ZNF562: variants seen among roughly 807,000 people sequenced by gnomAD.
ZNF562 encodes the protein zinc finger protein 562.
A neutral mutation model predicts 17.5 loss-of-function variants in ZNF562; 13 were observed. That is an observed-to-expected ratio of 0.74 (90% confidence interval 0.48 to 1.18). The LOEUF (loss-of-function observed/expected upper bound fraction) is 1.18, where lower values mean the gene tolerates loss of function less well. Ranked by LOEUF, ZNF562 falls within the 50% of genes most tolerant of loss-of-function variation. ZNF562 has a pLI of 0.00. For synonymous variants in ZNF562, 163 were observed against 165.4 expected (o/e 0.99, Z 0.11); for missense variants, 481 against 498.5 (o/e 0.96, Z 0.33).
At chr19:9,661,446 G>A (rs1347781919) in intron 1 of ZNF562, among the ~76,000 whole-genome samples, 1 of 152,148 alleles carries the variant, frequency 6.6e-6, no homozygotes, top group Admixed American at 6.6e-5. Context: ...AGCCTCCCGA[G>A]TAGCTGGGAT....
At position 9,645,103 on chromosome 19, in the gene ZNF562, C is replaced by T. The variant is rs1599255233; in HGVS notation, c.*7846G>A. On this transcript the variant is annotated 3_prime_UTR_variant, in exon 6 of 6. Transcript: ENST00000453372. The stretch of plus-strand genomic sequence containing the variant: ...TCACACTGTCACCAGGCTGGAGTGC[C>T]GTGGCGCAATATCAGCTCACTGTAA... The T allele has an allele frequency of 6.6e-6, 1 of 151,522 alleles. No individual in the cohort carries two copies. Among genetic ancestry groups the T allele is most frequent in the African/African-American group, 2.4e-5 (1 of 41,178 alleles). 9.4% of individuals were successfully genotyped at this position (151,522 alleles called of 1,614,324 possible).
chr19:9,659,058 G>A lies in ZNF562; in HGVS notation c.114+321C>T, dbSNP rs139301104. ...CTGCAGATACCTGATAAATGCTGAT[G>A]AGTGAATTAATTATTTGATAAAAGG... On this transcript the variant is annotated intron_variant, in intron 3 of 5. Transcript: ENST00000453372. Among the ~76,000 whole-genome samples, 100 of 152,366 alleles carry A rather than the reference G, an allele frequency of 6.6e-4. 1 individual carries two copies. The East Asian group carries it at 0.014, about 22-fold the overall frequency.
chr19:9,658,580 C>T (rs1462116952), intron 3 of ZNF562, among the ~76,000 whole-genome samples: 1 of 151,950 alleles, frequency 6.6e-6, no homozygotes, highest in African/African-American at 2.4e-5. Context: ...AAACTTCTGA[C>T]CTCATGTGAT....
At chr19:9,669,405 A>G (rs1284270497) in intron 1 of ZNF562, among the ~76,000 whole-genome samples, 1 of 152,226 alleles carries the variant, frequency 6.6e-6, no homozygotes, top group African/African-American at 2.4e-5. Flanking sequence ...CCACAATGAG[A>G]TATCATCTCA....
intron 1 of ZNF562, among the ~76,000 whole-genome samples, chr19:9,669,717 AG>A (rs2044083559): frequency 3.0e-5 from 3 of 98,942 alleles, no homozygotes; most frequent in South Asian, 3.5e-4. Context: ...CACGCGCGCG[AG>A]CGCGCGCGCG....
intron 1 of ZNF562, among the ~76,000 whole-genome samples, chr19:9,673,939 T>A (rs1465328606): frequency 2.0e-5 from 3 of 151,798 alleles, no homozygotes; most frequent in Non-Finnish European, 4.4e-5. Context: ...AAAGTTTTCA[T>A]GCCACAAAAA....
intron 5 of ZNF562, among the ~76,000 whole-genome samples, chr19:9,655,866 A>G (rs2043462208): frequency 6.6e-6 from 1 of 150,634 alleles, no homozygotes; most frequent in Non-Finnish European, 1.5e-5. Flanking sequence ...CCGAGTAACT[A>G]GGATAACGGG....
chr19:9,668,554 A>T (rs374048287), intron 1 of ZNF562, among the ~76,000 whole-genome samples: 1 of 152,198 alleles, frequency 6.6e-6, no homozygotes, highest in African/African-American at 2.4e-5. Context: ...GCAATTTACA[A>T]TTAAGAGCAA....
Position 9,642,037 on chromosome 19 carries a change from A to G in ZNF562, c.*10912T>C, listed in dbSNP as rs1048840767. 1 of 150,356 alleles carries G rather than the reference A, an allele frequency of 6.7e-6. No individual in the cohort carries two copies. Among genetic ancestry groups the G allele is most frequent in the African/African-American group, 2.4e-5 (1 of 41,004 alleles). The allele number at this position is 150,356 out of a possible 1,614,324, so 9.3% of individuals were successfully genotyped here. A position where few individuals can be genotyped will look rare whatever the true frequency, so the allele number is the denominator to read the frequency against. On this transcript the variant is annotated 3_prime_UTR_variant, in exon 6 of 6. Transcript: ENST00000453372. ...AGGGCGGGGAGGGTGTATCATCACA[A>G]GGGTGGGGAGGAAGGTTACAAAGTA... is the stretch of plus-strand genomic sequence containing the variant.
intron 5 of ZNF562, among the ~76,000 whole-genome samples, chr19:9,655,735 T>C (rs1257980879): frequency 2.4e-4 from 27 of 114,706 alleles, no homozygotes; most frequent in African/African-American, 4.8e-4. Flanking sequence ...TTTTTTTTTT[T>C]TTTTTTTTTT....
At position 9,652,964 on chromosome 19, in the gene ZNF562, G is replaced by C. The variant is rs779053467; in HGVS notation, c.1266C>G (p.His422Gln). Residue 422 changes from histidine (H) to glutamine (Q), a missense_variant, in exon 6 of 6, where the codon CAC (histidine) becomes CAG (glutamine). His to Gln is a conservative substitution (Grantham distance 24). Transcript: ENST00000453372. The stretch of plus-strand genomic sequence containing the variant: ...TATCTTGCATTTACCTTTCTCCACT[G>C]TGAGTTTTCAAATGTTTACTACGAT... ...SSHRSKHLKT[H>Q]SGER The C allele has an allele frequency of 6.7e-7, 1 of 1,499,796 alleles. No individual in the cohort carries two copies. The highest frequency in any genetic ancestry group is 8.9e-7 in the Non-Finnish European group (1 of 1,124,792). The allele number at this position is 1,499,796 out of a possible 1,614,324, so 92.9% of individuals were successfully genotyped here. A position where few individuals can be genotyped will look rare whatever the true frequency, so the allele number is the denominator to read the frequency against.
chr19:9,659,487 G>A lies in ZNF562; in HGVS notation c.26-20C>T. 2.6e-6 allele frequency: 4 copies of A among 1,548,854 alleles called. No individual in the cohort carries two copies. The highest frequency in any genetic ancestry group is 3.5e-6 in the Non-Finnish European group (4 of 1,146,180). On this transcript the variant is annotated intron_variant, in intron 2 of 5. Transcript: ENST00000453372. ...AAAACCCTAGTGGAAAAGTAAGAAG[G>A]CATGAGAAGCCAGAGCTGCCCACAT... is the stretch of plus-strand genomic sequence containing the variant.
At position 9,643,928 on chromosome 19, in the gene ZNF562, C is replaced by T. The variant is rs1159728625; in HGVS notation, c.*9021G>A. The T allele has an allele frequency of 6.6e-6, 1 of 151,910 alleles. No homozygotes were observed. The highest frequency in any genetic ancestry group is 1.5e-5 in the Non-Finnish European group (1 of 67,994). The allele number at this position is 151,910 out of a possible 1,614,324, so 9.4% of individuals were successfully genotyped here. A position where few individuals can be genotyped will look rare whatever the true frequency, so the allele number is the denominator to read the frequency against. On this transcript the variant is annotated 3_prime_UTR_variant, in exon 6 of 6. Coordinates refer to ENST00000453372, the MANE Select transcript of ZNF562 (RefSeq NM_001130031.2). ...CCTCCTGCCTCAGCCTCCCGAGTAG[C>T]TAGGAATACATGCACATGCCACCAC...
rs556357073 is a variant in ZNF562, at chr19:9,656,901, G to A, written c.242-248C>T. 1.9e-3 allele frequency among the ~76,000 whole-genome samples: 279 copies of A among 143,840 alleles called. 1 individual carries two copies. The highest frequency in any genetic ancestry group is 6.5e-3 in the African/African-American group (249 of 38,340). The allele number at this position is 143,840 out of a possible 152,430, so 94.4% of individuals were successfully genotyped here. A position where few individuals can be genotyped will look rare whatever the true frequency, so the allele number is the denominator to read the frequency against. ...ATATATATATATATATTAGCCGGGC[G>A]CGTTGGCATGTGCCTGTAGTCCCAG... On this transcript the variant is annotated intron_variant, in intron 4 of 5. Coordinates refer to ENST00000453372, the MANE Select transcript of ZNF562 (RefSeq NM_001130031.2).
At chr19:9,673,879 C>T (rs1353716417) in intron 1 of ZNF562, among the ~76,000 whole-genome samples, 2 of 151,990 alleles carry the variant, frequency 1.3e-5, no homozygotes, top group African/African-American at 4.8e-5. Flanking sequence ...TGGTGGTGCA[C>T]GCCTGGAATC....
intron 1 of ZNF562, among the ~76,000 whole-genome samples, chr19:9,668,659 A>G (rs2044038851): frequency 6.6e-6 from 1 of 152,220 alleles, no homozygotes; most frequent in African/African-American, 2.4e-5. Context: ...AGCCAAAGAA[A>G]TACTGAACAA....
At position 9,647,546 on chromosome 19, in the gene ZNF562, A is replaced by C. The variant is rs1425684168; in HGVS notation, c.*5403T>G. 1 of 151,990 alleles carries C rather than the reference A, an allele frequency of 6.6e-6. No individual in the cohort carries two copies. Among genetic ancestry groups the C allele is most frequent in the African/African-American group, 2.4e-5 (1 of 41,374 alleles). 9.4% of individuals were successfully genotyped at this position (151,990 alleles called of 1,614,324 possible). On this transcript the variant is annotated 3_prime_UTR_variant, in exon 6 of 6. Coordinates refer to ENST00000453372, the MANE Select transcript of ZNF562 (RefSeq NM_001130031.2). ...TGACCAGCCAGAAGAGATAATTTTA[A>C]CTTTTTAAAATATTTTGCAGTATTG...
chr19:9,660,630 T>C lies in ZNF562; in HGVS notation c.25+90A>G, dbSNP rs200416426. The C allele has an allele frequency of 2.1e-4, 272 of 1,289,322 alleles. 2 individuals are homozygous for C. The East Asian group carries it at 6.4e-3, about 30-fold the overall frequency. 79.9% of individuals were successfully genotyped at this position (1,289,322 alleles called of 1,614,324 possible). ...TAAAAGAAAAAAAAAAAAAGCAGCA[T>C]GCCTGTTCAGGCCCAGCTCACTGGA... On this transcript the variant is annotated intron_variant, in intron 2 of 5. Coordinates refer to ENST00000453372, the MANE Select transcript of ZNF562 (RefSeq NM_001130031.2).
rs1350844951 is a variant in ZNF562 at position 9,651,750 on chromosome 19, A to G, written c.*1199T>C. 1 of 152,234 alleles carries G rather than the reference A, an allele frequency of 6.6e-6. No homozygotes were observed. The highest frequency in any genetic ancestry group is 2.4e-5 in the African/African-American group (1 of 41,464). 9.4% of individuals were successfully genotyped at this position (152,234 alleles called of 1,614,324 possible). On this transcript the variant is annotated 3_prime_UTR_variant, in exon 6 of 6. Transcript: ENST00000453372. ...CATAAGGAATACTTATAGCTGATCT[A>G]CAATCTATAGGAATAATGTTTATCA...
Sources: gnomAD v4.1 joint callset for allele counts (sites outside exome capture counted in the v4.1 genomes callset) on GRCh38, gnomAD v4.1.1 for gene constraint, MANE v1.5 for transcripts, NCBI Gene and HGNC (gene_info 2026-07-23, HGNC 2026-07-21) for gene names.